The following ALK variants were observed in gnomAD, a reference collection of about 807,000 sequenced individuals.
ALK encodes the protein ALK tyrosine kinase receptor.
Under a neutral mutation model 163.1 loss-of-function variants are expected in ALK, and 74 were observed. That is an observed-to-expected ratio of 0.45 (90% CI 0.38 to 0.55). The LOEUF (loss-of-function observed/expected upper bound fraction) is 0.55, where lower values mean the gene tolerates loss of function less well. ALK is among the 20% of genes least tolerant of loss of function. ALK has a pLI of 0.00. For synonymous variants in ALK, 960 were observed against 843.2 expected, an observed-to-expected ratio of 1.14 and a Z score of -2.40; for missense variants, 2,063 against 2,105.3, an observed-to-expected ratio of 0.98 and a Z score of 0.39.
At chr2:29,738,063 G>C (rs1227404874) in intron 1 of ALK, among the ~76,000 whole-genome samples, 2 of 151,994 alleles carry the variant, frequency 1.3e-5, no homozygotes, top group East Asian at 3.9e-4. Flanking sequence ...ATCAGCAACA[G>C]CAAGCTAGAA....
At chr2:29,235,997 C>T (rs118157412) in intron 13 of ALK, among the ~76,000 whole-genome samples, 2 of 148,324 alleles carry the variant, frequency 1.3e-5, no homozygotes, top group East Asian at 4.0e-4. Context: ...TACGAAATAC[C>T]ATGCTTGACT....
At chr2:29,613,159 T>C (rs1341361542) in intron 3 of ALK, among the ~76,000 whole-genome samples, 3 of 152,252 alleles carry the variant, frequency 2.0e-5, no homozygotes, top group African/African-American at 7.2e-5. Flanking sequence ...ATTGTGGTCA[T>C]TGGTAGCTTT....
chr2:29,202,112 G>A (rs559624501), intron 26 of ALK, among the ~76,000 whole-genome samples: 1 of 152,110 alleles, frequency 6.6e-6, no homozygotes, highest in African/African-American at 2.4e-5. Flanking sequence ...CCTTAGCTCC[G>A]ACCATCAGGA....
intron 4 of ALK, among the ~76,000 whole-genome samples, chr2:29,511,514 A>G (rs1672515299): frequency 6.6e-6 from 1 of 152,206 alleles, no homozygotes; most frequent in South Asian, 2.1e-4. Flanking sequence ...TAGTATAGAT[A>G]AACCACAATT....
chr2:29,581,171 C>T (rs867620196), intron 3 of ALK, among the ~76,000 whole-genome samples: 20 of 152,132 alleles, frequency 1.3e-4, no homozygotes, highest in African/African-American at 3.4e-4. Flanking sequence ...GGGCGGATCA[C>T]GAGATCAAGA....
At chr2:29,226,534 A>ACTG (rs1300147827) in intron 18 of ALK, among the ~76,000 whole-genome samples, 1 of 151,164 alleles carries the variant, frequency 6.6e-6, no homozygotes, top group Non-Finnish European at 1.5e-5. Flanking sequence ...GTCTTCAAAC[A>ACTG]CTGCACATGC....
chr2:29,291,774 C>T (rs188149179), intron 9 of ALK, among the ~76,000 whole-genome samples: 5 of 152,232 alleles, frequency 3.3e-5, no homozygotes, highest in South Asian at 2.1e-4. Flanking sequence ...TGAGGCTTAC[C>T]GGAAATCTCT....
intron 3 of ALK, among the ~76,000 whole-genome samples, chr2:29,624,492 G>T (rs1029910909): frequency 6.6e-5 from 10 of 152,188 alleles, no homozygotes; most frequent in Non-Finnish European, 1.0e-4. Flanking sequence ...AGCGGGTGGA[G>T]CTTGGTTTGG....
chr2:29,650,976 CAG>C (rs1486891108), intron 3 of ALK, among the ~76,000 whole-genome samples: 2 of 152,106 alleles, frequency 1.3e-5, no homozygotes, highest in African/African-American at 4.8e-5. Context: ...ATGGAGAATG[CAG>C]AGTCTGCTAG....
Position 29,232,441 on chromosome 2 carries a change from T to C in ALK, c.2495A>G (p.Asp832Gly), listed in dbSNP as rs758883994. 3.1e-6 allele frequency: 5 copies of C among 1,614,246 alleles called. No individual in the cohort carries two copies. The highest frequency in any genetic ancestry group is 4.2e-6 in the Non-Finnish European group (5 of 1,180,040). Residue 832 changes from aspartate to glycine, a missense_variant, in exon 15 of 29, where the codon GAT (aspartate) becomes GGT (glycine). By Grantham distance (94) the Asp-to-Gly change is moderately conservative (BLOSUM62 -1). This residue lies in a region of ALK where 575 missense variants were observed against 626.6 expected (regional missense o/e 0.92). Transcript: ENST00000389048. ...AATGATCAGGGGCACCGGCACTCCA[T>C]CCTTCATCTGACCAGGGGAGACATT... ...GGATYVFKMK[D>G]GVPVPLIIAA...
chr2:29,216,730 GTGTT>G (rs1669619910), intron 23 of ALK, among the ~76,000 whole-genome samples: 1 of 148,510 alleles, frequency 6.7e-6, no homozygotes. Flanking sequence ...GTGTGTATAT[GTGTT>G]TGTGTTTTGT....
chr2:29,703,988 A>G (rs1285043925), intron 2 of ALK, among the ~76,000 whole-genome samples: 1 of 152,126 alleles, frequency 6.6e-6, no homozygotes, highest in Non-Finnish European at 1.5e-5. Context: ...GTACTGAACC[A>G]CCAGCTGTCA....
rs1472845031 is a variant in ALK, at chr2:29,223,349, G to A, written c.3352C>T (p.Leu1118Phe). ...CGGCAGCAGGGCGCTCACCGAATGA[G>A]GGTGATGTTTTTCCGCGGCACCTCC... The part of the protein sequence containing the change: ...LKEVPRKNIT[L>F]IRGLGHGAFG... Residue 1118 changes from leucine (L) to phenylalanine (F), a missense_variant, in exon 20 of 29, where the codon CTC becomes TTC. Physicochemically the swap from Leu to Phe is conservative, Grantham distance 22. Transcript: ENST00000389048. The A allele has an allele frequency of 1.2e-6, 2 of 1,613,996 alleles. No individual in the cohort carries two copies. Among genetic ancestry groups the A allele is most frequent in the African/African-American group, 1.3e-5 (1 of 74,928 alleles).
At chr2:29,384,414 G>C (rs1010727800) in intron 4 of ALK, among the ~76,000 whole-genome samples, 1 of 152,158 alleles carries the variant, frequency 6.6e-6, no homozygotes, top group Admixed American at 6.6e-5. Context: ...TGGGGTAAAA[G>C]GTACCTAAGA....
rs539017928 is a variant in ALK at position 29,721,823 on chromosome 2, C to A, written c.668-4126G>T. On this transcript the variant is annotated intron_variant, in intron 1 of 28. Coordinates refer to ENST00000389048, the MANE Select transcript of ALK (RefSeq NM_004304.5). ...AAAAAGCTTCTTTGACTGCCACACT[C>A]TTCTCCAGCCATTGTCCCTTTACTC... is the stretch of plus-strand genomic sequence containing the variant. 2.6e-5 allele frequency among the ~76,000 whole-genome samples: 4 copies of A among 152,352 alleles called. No homozygotes were observed. The South Asian group carries it at 8.3e-4, about 32-fold the overall frequency.
intron 5 of ALK, among the ~76,000 whole-genome samples, chr2:29,382,526 C>A (rs1668925547): frequency 6.6e-6 from 1 of 152,136 alleles, no homozygotes. Flanking sequence ...TAATGATGAT[C>A]AAATGAGAAC....
chr2:29,563,457 C>T (rs1198715630), intron 3 of ALK, among the ~76,000 whole-genome samples: 1 of 152,192 alleles, frequency 6.6e-6, no homozygotes, highest in Non-Finnish European at 1.5e-5. Flanking sequence ...AGCACATGCC[C>T]TTCCACAGTG....
chr2:29,710,236 G>C (rs1460260742), intron 2 of ALK, among the ~76,000 whole-genome samples: 1 of 152,162 alleles, frequency 6.6e-6, no homozygotes, highest in Admixed American at 6.5e-5. Flanking sequence ...CCACGATTGT[G>C]AGGTCTCTCA....
chr2:29,241,013 C>T (rs1041642884), intron 12 of ALK, among the ~76,000 whole-genome samples: 12 of 152,200 alleles, frequency 7.9e-5, no homozygotes, highest in Non-Finnish European at 1.8e-4. Flanking sequence ...GCAGAGCCCA[C>T]GGCCCTTCTG....
Sources: gnomAD v4.1 joint callset for allele counts (sites outside exome capture counted in the v4.1 genomes callset) on GRCh38, gnomAD v4.1.1 for gene constraint, gnomAD v4.1.1 regional missense constraint, MANE v1.5 for transcripts, NCBI Gene and HGNC (gene_info 2026-07-23, HGNC 2026-07-21) for gene names.